Variants in SLC7A2 observed in about 807,000 individuals in gnomAD.
SLC7A2 encodes solute carrier family 7 member 2.
In SLC7A2, 48 loss-of-function variants were observed where a neutral mutation model predicts 58.9. The ratio of observed to expected loss-of-function variants is 0.82; its 90% CI spans 0.65 to 1.04. The LOEUF (loss-of-function observed/expected upper bound fraction) is 1.04, where lower values mean the gene tolerates loss of function less well. Ranked by LOEUF, SLC7A2 falls within the 50% of genes least tolerant of loss-of-function variation. The probability of loss-of-function intolerance (pLI) is 0.00; values close to 1 mark genes in which losing one functional copy is unlikely to be tolerated. For missense variants in SLC7A2, 1,029 were observed against 818.8 expected (o/e 1.26, Z -3.13); for synonymous variants, 363 against 314.5 (o/e 1.15, Z -1.63).
In SLC7A2 at chr8:17,563,729, G is replaced by A. The variant is rs543100130; in HGVS notation, c.1780+18G>A. The A allele has an allele frequency of 5.8e-4, 814 of 1,400,284 alleles. 8 individuals carry two copies. In the South Asian group the frequency reaches 8.9e-3, roughly 15 times the overall value. The allele number at this position is 1,400,284 out of a possible 1,614,324, so 86.7% of individuals were successfully genotyped here. On this transcript the variant is annotated intron_variant, in intron 12 of 12. Transcript: ENST00000494857. ...GGCAATTGGTAGGTCTTTTAATGTCGGGTTCTCTTTCCTATTTCATGTGCT... is the reference window on the plus strand; with the variant it reads ...GGCAATTGGTAGGTCTTTTAATGTCAGGTTCTCTTTCCTATTTCATGTGCT...
chr8:17,528,567 C>T (rs1216003742), intron 2 of SLC7A2, among the ~76,000 whole-genome samples: 1 of 151,900 alleles, frequency 6.6e-6, no homozygotes, highest in South Asian at 2.1e-4. Context: ...TTTATAGAAA[C>T]GGGGTTTTGC....
intron 8 of SLC7A2, among the ~76,000 whole-genome samples, chr8:17,556,095 C>G (rs1802689874): frequency 6.6e-6 from 1 of 151,980 alleles, no homozygotes. Context: ...TAAATCTGGC[C>G]CTTTCTTAAA....
At chr8:17,516,264 C>T (rs936156120) in intron 2 of SLC7A2, among the ~76,000 whole-genome samples, 9 of 151,810 alleles carry the variant, frequency 5.9e-5, no homozygotes, top group Non-Finnish European at 7.4e-5. Context: ...CTCGCTCTGT[C>T]GCCCAGGCTG....
chr8:17,519,720 C>G (rs1800938704), intron 2 of SLC7A2, among the ~76,000 whole-genome samples: 1 of 152,186 alleles, frequency 6.6e-6, no homozygotes, highest in Non-Finnish European at 1.5e-5. Flanking sequence ...TTGTTTACTT[C>G]AGGGTCACTT....
At chr8:17,508,002 A>G (rs4921781) in intron 2 of SLC7A2, among the ~76,000 whole-genome samples, 60,530 of 152,036 alleles carry the variant, frequency 0.4, 12,471 homozygotes, top group South Asian at 0.56. Context: ...CTAAAAATAA[A>G]AAGACTTTTA....
At chr8:17,522,584 C>A (rs1191585989) in intron 2 of SLC7A2, among the ~76,000 whole-genome samples, 1 of 152,116 alleles carries the variant, frequency 6.6e-6, no homozygotes, top group Non-Finnish European at 1.5e-5. Flanking sequence ...TGCTGCTTGT[C>A]CTCAACATCT....
intron 2 of SLC7A2, among the ~76,000 whole-genome samples, chr8:17,526,037 G>T (rs915550756): frequency 6.6e-6 from 1 of 152,116 alleles, no homozygotes; most frequent in Admixed American, 6.5e-5. Context: ...TTAAAAAGCA[G>T]ATTTCTAAAT....
chr8:17,552,923 A>G (rs905127877), intron 7 of SLC7A2, among the ~76,000 whole-genome samples: 6 of 152,228 alleles, frequency 3.9e-5, no homozygotes, highest in Non-Finnish European at 8.8e-5. Context: ...TGAAACTAGA[A>G]AAAGAAGTCT....
At chr8:17,521,898 G>T (rs1801029429) in intron 2 of SLC7A2, among the ~76,000 whole-genome samples, 1 of 152,200 alleles carries the variant, frequency 6.6e-6, no homozygotes, top group African/African-American at 2.4e-5. Flanking sequence ...ACAGGGAGCT[G>T]TTACCCAGTG....
At position 17,507,408 on chromosome 8, in the gene SLC7A2, C is replaced by G. The variant is rs531207456; in HGVS notation, c.-23+5106C>G. ...TTTTTGTGTGTGTGGAGACGGGGGTCTCACTGTGTTGCCCAGGCTGGTTTT... is the reference window on the plus strand; with the variant it reads ...TTTTTGTGTGTGTGGAGACGGGGGTGTCACTGTGTTGCCCAGGCTGGTTTT... On this transcript the variant is annotated intron_variant, in intron 2 of 12. Transcript: ENST00000494857. Among the ~76,000 whole-genome samples the G allele has an allele frequency of 3.4e-4, 52 of 151,988 alleles. No homozygotes were observed. In the East Asian group the frequency reaches 5.0e-3, roughly 15 times the overall value.
intron 4 of SLC7A2, among the ~76,000 whole-genome samples, chr8:17,546,157 T>G (rs1397474096): frequency 6.6e-6 from 1 of 152,226 alleles, no homozygotes; most frequent in African/African-American, 2.4e-5. Flanking sequence ...CCATCATATT[T>G]TATTTAGGGA....
intron 8 of SLC7A2, among the ~76,000 whole-genome samples, chr8:17,557,632 A>T (rs1264766073): frequency 6.6e-6 from 1 of 152,234 alleles, no homozygotes; most frequent in Non-Finnish European, 1.5e-5. Flanking sequence ...GTTCGAGACC[A>T]GCCTGACCAA....
At chr8:17,505,550 A>G (rs112445987) in intron 2 of SLC7A2, among the ~76,000 whole-genome samples, 100 of 152,268 alleles carry the variant, frequency 6.6e-4, no homozygotes, top group African/African-American at 2.2e-3. Context: ...CAGCCTCGCC[A>G]TCTTTCTTTC....
intron 2 of SLC7A2, among the ~76,000 whole-genome samples, chr8:17,537,933 A>G (rs963803908): frequency 2.6e-5 from 4 of 152,126 alleles, no homozygotes; most frequent in Non-Finnish European, 5.9e-5. Context: ...TGGATGCTTC[A>G]TTTAATTTTT....
At chr8:17,510,329 A>G (rs1040615976) in intron 2 of SLC7A2, among the ~76,000 whole-genome samples, 11 of 152,212 alleles carry the variant, frequency 7.2e-5, no homozygotes, top group African/African-American at 2.7e-4. Context: ...GATAACATAA[A>G]TGACAATACT....
At chr8:17,557,720 C>T (rs1042960874) in intron 8 of SLC7A2, among the ~76,000 whole-genome samples, 3 of 151,930 alleles carry the variant, frequency 2.0e-5, no homozygotes, top group Admixed American at 2.0e-4. Context: ...CCCAGCTACT[C>T]GGCAGGCTGA....
chr8:17,544,479 T>C lies in SLC7A2; in HGVS notation c.405T>C (p.Ser135=), dbSNP rs202098164. Residue 135 remains serine (S), a synonymous_variant, in exon 4 of 13, where the codon AGT becomes AGC. Coordinates refer to ENST00000494857, the MANE Select transcript of SLC7A2 (RefSeq NM_001370338.1). ...IGTSSVARAW[S]GTFDELLSKQ... ...CATCAAGTGTTGCAAGAGCCTGGAG[T>C]GGCACCTTTGATGAACTTCTTAGCA... 161 of 1,614,084 alleles carry C rather than the reference T, an allele frequency of 1.0e-4. No homozygotes were observed. The highest frequency in any genetic ancestry group is 6.2e-4 in the Admixed American group (37 of 60,012).
chr8:17,534,770 T>C (rs920851621), intron 2 of SLC7A2, among the ~76,000 whole-genome samples: 1 of 151,702 alleles, frequency 6.6e-6, no homozygotes, highest in Non-Finnish European at 1.5e-5. Context: ...TCTGACATAA[T>C]TTGTTGATTC....
chr8:17,516,722 C>G (rs577764605), intron 2 of SLC7A2, among the ~76,000 whole-genome samples: 47 of 152,336 alleles, frequency 3.1e-4, no homozygotes, highest in African/African-American at 1.1e-3. Context: ...GTCTCCCAGA[C>G]CCCTCACCCC....
Sources: gnomAD v4.1 joint callset for allele counts (sites outside exome capture counted in the v4.1 genomes callset) on GRCh38, gnomAD v4.1.1 for gene constraint, MANE v1.5 for transcripts, NCBI Gene and HGNC (gene_info 2026-07-23, HGNC 2026-07-21) for gene names.